The following PLCL1 variants were observed in gnomAD, a reference collection of about 807,000 sequenced individuals.
PLCL1 encodes inactive phospholipase C-like protein 1.
A neutral mutation model predicts 84.4 loss-of-function variants in PLCL1; 41 were observed. That is an observed-to-expected ratio of 0.49 (90% CI 0.38 to 0.63). PLCL1 has a LOEUF of 0.63. Ranked by LOEUF, PLCL1 falls within the 30% of genes least tolerant of loss-of-function variation. The pLI is 0.00. For missense variants in PLCL1, 1,206 were observed against 1,367.8 expected, an observed-to-expected ratio of 0.88 and a Z score of 1.87; for synonymous variants, 490 against 488.3, an observed-to-expected ratio of 1.00 and a Z score of -0.05.
intron 1 of PLCL1, among the ~76,000 whole-genome samples, chr2:198,008,560 A>G (rs1559072319): frequency 2.0e-5 from 3 of 151,848 alleles, no homozygotes; most frequent in South Asian, 2.1e-4. Flanking sequence ...AAGGCTGCAT[A>G]ATATCCCATT....
intron 1 of PLCL1, among the ~76,000 whole-genome samples, chr2:197,849,485 G>T (rs1687184924): frequency 6.6e-6 from 1 of 152,134 alleles, no homozygotes. Context: ...TTTAAAGGAA[G>T]ATTTAAATGA....
At chr2:198,059,810 A>G (rs1692149880) in intron 1 of PLCL1, among the ~76,000 whole-genome samples, 1 of 152,188 alleles carries the variant, frequency 6.6e-6, no homozygotes, top group South Asian at 2.1e-4. Context: ...AGCCCAGGCA[A>G]ACAGAGTAGG....
intron 1 of PLCL1, among the ~76,000 whole-genome samples, chr2:197,809,772 G>A (rs115421411): frequency 1.3e-3 from 201 of 151,696 alleles, no homozygotes; most frequent in African/African-American, 4.7e-3. Context: ...ATCTAGGGGA[G>A]TAAGGAAATG....
At chr2:198,034,368 T>C (rs184926739) in intron 1 of PLCL1, among the ~76,000 whole-genome samples, 1 of 152,290 alleles carries the variant, frequency 6.6e-6, no homozygotes, top group Admixed American at 6.5e-5. Flanking sequence ...AGCCATCCCA[T>C]TACTGGGTAT....
intron 1 of PLCL1, among the ~76,000 whole-genome samples, chr2:197,929,438 G>A (rs1210259071): frequency 6.6e-6 from 1 of 152,156 alleles, no homozygotes. Flanking sequence ...GAAGGCTCCT[G>A]CTCTTCAGTT....
intron 5 of PLCL1, among the ~76,000 whole-genome samples, chr2:198,114,795 A>G (rs867823756): frequency 6.6e-6 from 1 of 150,506 alleles, no homozygotes; most frequent in African/African-American, 2.4e-5. Context: ...ACTTCTCTGA[A>G]TGTGTGTGTG....
chr2:197,869,992 A>G (rs1194354345), intron 1 of PLCL1, among the ~76,000 whole-genome samples: 3 of 152,146 alleles, frequency 2.0e-5, no homozygotes, highest in Non-Finnish European at 4.4e-5. Flanking sequence ...CTTAAATGGT[A>G]GAAACCAAAC....
At chr2:197,897,329 G>A (rs1688172803) in intron 1 of PLCL1, among the ~76,000 whole-genome samples, 1 of 151,746 alleles carries the variant, frequency 6.6e-6, no homozygotes, top group Non-Finnish European at 1.5e-5. Context: ...AGATTAATAT[G>A]TAAGGATGTA....
rs113846699 is a variant in PLCL1 at position 198,075,984 on chromosome 2, G to A, written c.241-7774G>A. ...GATGTGTATAATAAGAATCATTCTT[G>A]CAGAAAAACCCTAACTGGATGGAAA... On this transcript the variant is annotated intron_variant, in intron 1 of 5. Transcript: ENST00000428675. Among the ~76,000 whole-genome samples, 980 of 152,302 alleles carry A rather than the reference G, an allele frequency of 6.4e-3. 11 individuals carry two copies. The highest frequency in any genetic ancestry group is 0.022 in the African/African-American group (935 of 41,568).
Position 197,916,487 on chromosome 2 carries a change from T to G in PLCL1, c.240+111148T>G, listed in dbSNP as rs77737243. ...ATAGTATTTACATTTAGGGTTGTTG[T>G]GAGGAGGAAAGGGAATAATCCATGC... On this transcript the variant is annotated intron_variant, in intron 1 of 5. Transcript: ENST00000428675. 1.8e-3 allele frequency among the ~76,000 whole-genome samples: 281 copies of G among 152,206 alleles called. 1 individual carries two copies. The highest frequency in any genetic ancestry group is 6.5e-3 in the African/African-American group (268 of 41,532).
chr2:197,833,511 C>T (rs1252069426), intron 1 of PLCL1, among the ~76,000 whole-genome samples: 2 of 152,152 alleles, frequency 1.3e-5, no homozygotes, highest in Non-Finnish European at 2.9e-5. Flanking sequence ...CAAAAAATCA[C>T]AAGCATTCCC....
chr2:198,088,942 C>T lies in PLCL1; in HGVS notation c.2800C>T (p.Leu934Phe), dbSNP rs1398830230. The T allele has an allele frequency of 8.7e-6, 14 of 1,611,994 alleles. No individual in the cohort carries two copies. Among genetic ancestry groups the T allele is most frequent in the African/African-American group, 1.3e-5 (1 of 74,858 alleles). The change falls in exon 3 of 6, where the codon CTC (leucine) becomes TTC (phenylalanine). Residue 934 changes from leucine (L) to phenylalanine (F), a missense_variant. Transcript: ENST00000428675. ...KQCLLTLSSR[L>F]ITSDNTPSVS... The stretch of plus-strand genomic sequence containing the variant: ...GTGCCTGTTAACTCTGTCATCTCGG[C>T]TCATCACCAGTGACAATACTCCTTC...
At chr2:197,895,222 A>G (rs548827635) in intron 1 of PLCL1, among the ~76,000 whole-genome samples, 9 of 152,068 alleles carry the variant, frequency 5.9e-5, no homozygotes, top group African/African-American at 2.2e-4. Flanking sequence ...AATGGAATCC[A>G]CTGACATCTC....
chr2:197,963,172 T>C (rs1850634), intron 1 of PLCL1, among the ~76,000 whole-genome samples: 27,437 of 152,052 alleles, frequency 0.18, 2,558 homozygotes, highest in East Asian at 0.26. Flanking sequence ...ATAGTGGTTG[T>C]ACTAATTTAC....
intron 1 of PLCL1, among the ~76,000 whole-genome samples, chr2:197,836,217 G>A (rs1691183780): frequency 6.6e-6 from 1 of 151,544 alleles, no homozygotes; most frequent in Non-Finnish European, 1.5e-5. Context: ...AGGCCGAGGC[G>A]GGCGGATCAC....
At chr2:198,140,655 A>G (rs1408634952) in intron 5 of PLCL1, among the ~76,000 whole-genome samples, 2 of 152,162 alleles carry the variant, frequency 1.3e-5, no homozygotes, top group Non-Finnish European at 2.9e-5. Context: ...TTAACAGAGT[A>G]TGATTTCAAA....
At chr2:197,973,281 G>A (rs1689906521) in intron 1 of PLCL1, among the ~76,000 whole-genome samples, 1 of 152,178 alleles carries the variant, frequency 6.6e-6, no homozygotes, top group African/African-American at 2.4e-5. Context: ...GGGCTTGGGA[G>A]CTGGTGGAAA....
intron 1 of PLCL1, among the ~76,000 whole-genome samples, chr2:198,079,530 A>C (rs956657574): frequency 7.9e-5 from 12 of 152,104 alleles, no homozygotes; most frequent in Non-Finnish European, 1.6e-4. Context: ...TAAATGTAAT[A>C]GAAACAGTGC....
intron 4 of PLCL1, among the ~76,000 whole-genome samples, chr2:198,102,950 A>G (rs1487439598): frequency 2.0e-5 from 3 of 152,092 alleles, no homozygotes; most frequent in Non-Finnish European, 4.4e-5. Flanking sequence ...TGGTTTTCAT[A>G]ATCTTCAAGC....
Sources: allele counts gnomAD v4.1 joint callset (sites outside exome capture counted in the v4.1 genomes callset), GRCh38; gene constraint gnomAD v4.1.1; transcripts MANE v1.5; gene names NCBI Gene and HGNC (gene_info 2026-07-23, HGNC 2026-07-21).